The following LRIG1 variants were observed in gnomAD, a reference collection of about 807,000 sequenced individuals.
The protein encoded by LRIG1 is leucine-rich repeats and immunoglobulin-like domains protein 1.
Under a neutral mutation model 99.2 loss-of-function variants are expected in LRIG1, and 48 were observed. The ratio of observed to expected loss-of-function variants is 0.48; its 90% CI spans 0.38 to 0.62. The LOEUF (loss-of-function observed/expected upper bound fraction) is 0.62. LRIG1 is among the 20% of genes least tolerant of loss of function. The pLI is 0.00. For synonymous variants in LRIG1, 772 were observed against 596.1 expected (o/e 1.29, Z -4.30); for missense variants, 1,646 against 1,434.4 (o/e 1.15, Z -2.38).
In LRIG1 at chr3:66,381,724, AT is replaced by A. The variant is rs534757241; in HGVS notation, c.2618-94del. The stretch of plus-strand genomic sequence containing the variant: ...AATGAGCAAGGCCGCTAGAACAGTC[AT>A]TTTTTTTAAAAAGTTCTTCAGAGCG... On this transcript the variant is annotated intron_variant, in intron 16 of 18. Coordinates refer to ENST00000273261, the MANE Select transcript of LRIG1 (RefSeq NM_015541.3). The A allele has an allele frequency of 3.6e-4, 518 of 1,423,546 alleles. 2 individuals are homozygous for A. The highest frequency in any genetic ancestry group is 1.6e-4 in the Non-Finnish European group (172 of 1,045,090). 88.2% of individuals were successfully genotyped at this position (1,423,546 alleles called of 1,614,324 possible).
In LRIG1 at chr3:66,380,763, C is replaced by T. The variant is rs332373; in HGVS notation, c.2869G>A (p.Ala957Thr). 0.046 allele frequency: 74,563 copies of T among 1,614,116 alleles called. 2,594 individuals carry two copies. Among genetic ancestry groups the T allele is most frequent in the African/African-American group, 0.16 (12,137 of 75,022 alleles). The change falls in exon 18 of 19, where the codon GCA becomes ACA. Residue 957 changes from alanine (A) to threonine (T), a missense_variant. Transcript: ENST00000273261. ...GGGCCATTTGGCGCACTTGGCTGTG[C>T]GCTGTCTCTGGACACAGGCTGGGGG... ...FHPQPVSRDS[A>T]QPSAPNGPEP...
chr3:66,423,901 G>C (rs996870719), intron 3 of LRIG1, among the ~76,000 whole-genome samples: 1 of 152,192 alleles, frequency 6.6e-6, no homozygotes, highest in Non-Finnish European at 1.5e-5. Context: ...CTTGTTTTTA[G>C]TAGTCATGCT....
At chr3:66,409,527 T>A (rs1354620483) in intron 7 of LRIG1, among the ~76,000 whole-genome samples, 2 of 152,072 alleles carry the variant, frequency 1.3e-5, no homozygotes, top group Non-Finnish European at 1.5e-5. Flanking sequence ...ACACCACACA[T>A]CTCTGAACTA....
Position 66,380,617 on chromosome 3 carries a change from C to G in LRIG1, c.3015G>C (p.Thr1005=). Residue 1005 remains threonine (T), a synonymous_variant, in exon 18 of 19, where the codon ACG becomes ACC. Transcript: ENST00000273261. Reference sequence around the variant, plus strand: ...ATGCCATTGGCTTTTTCTTCACAGCCGTCAGCATTCTATCGTGGTTACTGG... The same window carrying G: ...ATGCCATTGGCTTTTTCTTCACAGCGGTCAGCATTCTATCGTGGTTACTGG... ...LYPSNHDRML[T]AVKKKPMASL... 6.2e-7 allele frequency: 1 copy of G among 1,614,154 alleles called. No individual in the cohort carries two copies. Among genetic ancestry groups the G allele is most frequent in the Non-Finnish European group, 8.5e-7 (1 of 1,180,020 alleles).
chr3:66,392,704 G>A (rs1189583894), intron 12 of LRIG1, among the ~76,000 whole-genome samples: 4 of 152,182 alleles, frequency 2.6e-5, no homozygotes, highest in African/African-American at 9.7e-5. Flanking sequence ...TGGGGGCTAG[G>A]TGAACTTACC....
At chr3:66,474,160 C>T (rs1700664080) in intron 1 of LRIG1, among the ~76,000 whole-genome samples, 2 of 152,172 alleles carry the variant, frequency 1.3e-5, no homozygotes, top group African/African-American at 4.8e-5. Context: ...ACTGAAATTA[C>T]AAGCAGAAAA....
chr3:66,497,704 C>CAAAAAAAAAAAAA (rs71616223), intron 1 of LRIG1, among the ~76,000 whole-genome samples: 1 of 89,266 alleles, frequency 1.1e-5, no homozygotes, highest in Non-Finnish European at 2.0e-5. Context: ...GCACTGTTTA[C>CAAAAAAAAAAAAA]AAAAAAAAAA....
At chr3:66,406,898 G>A (rs1265274464) in intron 8 of LRIG1, among the ~76,000 whole-genome samples, 5 of 152,134 alleles carry the variant, frequency 3.3e-5, no homozygotes, top group East Asian at 1.9e-4. Flanking sequence ...ATGCTCAGAC[G>A]AGAGATGCAC....
At chr3:66,470,988 C>T (rs530205663) in intron 1 of LRIG1, among the ~76,000 whole-genome samples, 1 of 152,096 alleles carries the variant, frequency 6.6e-6, no homozygotes, top group Admixed American at 6.6e-5. Context: ...CATCATTAAC[C>T]CCTAAAGATT....
At chr3:66,405,078 A>G in intron 9 of LRIG1, 120 bp downstream of exon 9, 2 of 819,094 alleles carry the variant, frequency 2.4e-6, no homozygotes, top group Non-Finnish European at 4.0e-6. Flanking sequence ...CCCAAACAAA[A>G]GCCAGCTCCT....
At chr3:66,494,873 TTC>T (rs1701192588) in intron 1 of LRIG1, among the ~76,000 whole-genome samples, 2 of 152,344 alleles carry the variant, frequency 1.3e-5, no homozygotes, top group East Asian at 3.9e-4. Context: ...AGCAAAAAAC[TTC>T]TCAGTCCTAG....
intron 8 of LRIG1, chr3:66,406,183 C>T (rs1217377022): frequency 1.0e-6 from 1 of 979,856 alleles, no homozygotes; most frequent in African/African-American, 1.7e-5. Context: ...TGGCGGTGAC[C>T]TTTCTTGTCA....
chr3:66,440,471 T>A (rs988442945), intron 3 of LRIG1, among the ~76,000 whole-genome samples: 2 of 152,182 alleles, frequency 1.3e-5, no homozygotes, highest in African/African-American at 4.8e-5. Context: ...CAGATACATA[T>A]ACGAGGGTTT....
At chr3:66,410,805 A>G (rs911460278) in intron 6 of LRIG1, among the ~76,000 whole-genome samples, 9 of 152,226 alleles carry the variant, frequency 5.9e-5, no homozygotes, top group African/African-American at 1.4e-4. Context: ...CATCTCACAC[A>G]TGAGGAATGT....
chr3:66,493,835 AAGAG>A (rs375025046), intron 1 of LRIG1, among the ~76,000 whole-genome samples: 14 of 150,408 alleles, frequency 9.3e-5, no homozygotes, highest in East Asian at 5.8e-4. Context: ...AAAGAAAAAA[AAGAG>A]AGAGAGAGAG....
At chr3:66,455,586 A>G (rs1700195343) in intron 2 of LRIG1, among the ~76,000 whole-genome samples, 1 of 152,228 alleles carries the variant, frequency 6.6e-6, no homozygotes, top group African/African-American at 2.4e-5. Context: ...ACTGGCAGAC[A>G]TAGTGGCTGT....
Position 66,382,545 on chromosome 3 carries a change from C to G in LRIG1, c.2492-147G>C, listed in dbSNP as rs115130923. On this transcript the variant is annotated intron_variant, in intron 15 of 18. Transcript: ENST00000273261. ...GATGACATGGAGTCCATGTACGCAACAGGCCCTCCCAGAGCCTGCTCAGCT... is the reference window on the plus strand; with the variant it reads ...GATGACATGGAGTCCATGTACGCAAGAGGCCCTCCCAGAGCCTGCTCAGCT... 2.6e-3 allele frequency: 2,321 copies of G among 890,950 alleles called. 34 individuals carry two copies. The highest frequency in any genetic ancestry group is 0.018 in the African/African-American group (1,062 of 59,582). 55.2% of individuals were successfully genotyped at this position (890,950 alleles called of 1,614,324 possible).
At chr3:66,385,439 A>G (rs911928305) in intron 13 of LRIG1, among the ~76,000 whole-genome samples, 12 of 142,802 alleles carry the variant, frequency 8.4e-5, no homozygotes, top group South Asian at 4.9e-4. Context: ...GCTCTCCACA[A>G]TTTGACTTAA....
intron 6 of LRIG1, 77 bp from the exon 7 acceptor site, chr3:66,410,349 G>T: frequency 7.1e-7 from 1 of 1,410,248 alleles, no homozygotes; most frequent in Non-Finnish European, 9.7e-7. Flanking sequence ...GAGCAGCCAC[G>T]CTGTACCTGA....
Sources: gnomAD v4.1 joint callset for allele counts (sites outside exome capture counted in the v4.1 genomes callset) on GRCh38, gnomAD v4.1.1 for gene constraint, MANE v1.5 for transcripts, NCBI Gene and HGNC (gene_info 2026-07-23, HGNC 2026-07-21) for gene names.